Variants in RAP1A observed in about 807,000 individuals in gnomAD.
The protein encoded by RAP1A is RAP1A, member of RAS oncogene family.
Under a neutral mutation model 26.4 loss-of-function variants are expected in RAP1A, and 6 were observed. The ratio of observed to expected loss-of-function variants is 0.23; its 90% CI spans 0.12 to 0.45. The LOEUF (loss-of-function observed/expected upper bound fraction) is 0.45, where lower values mean the gene tolerates loss of function less well. Ranked by LOEUF, RAP1A falls within the 20% of genes least tolerant of loss-of-function variation. The pLI is 0.99. For missense variants in RAP1A, 121 were observed against 217.2 expected (o/e 0.56, Z 2.78); for synonymous variants, 73 against 79.4 (o/e 0.92, Z 0.43).
At chr1:111,623,044 G>A (rs991520463) in intron 1 of RAP1A, among the ~76,000 whole-genome samples, 15 of 152,050 alleles carry the variant, frequency 9.9e-5, no homozygotes, top group Non-Finnish European at 1.5e-5. Context: ...TTGAGACGGA[G>A]TCTTGCTCTG....
chr1:111,689,723 G>A (rs531059161), intron 1 of RAP1A, among the ~76,000 whole-genome samples: 2 of 152,214 alleles, frequency 1.3e-5, no homozygotes, highest in East Asian at 3.9e-4. Context: ...AGGCTGGAGT[G>A]CAGTGGCGCG....
In RAP1A at chr1:111,644,735, T is replaced by G. The variant is rs79829373; in HGVS notation, c.-28+24801T>G. On this transcript the variant is annotated intron_variant, in intron 1 of 7. Coordinates refer to ENST00000369709, the MANE Select transcript of RAP1A (RefSeq NM_002884.4). ...AGATTATGTAGAATGTTACAAGGCCTGATAATGAGCTTGGGCCTTATTCTC... is the reference window on the plus strand; with the variant it reads ...AGATTATGTAGAATGTTACAAGGCCGGATAATGAGCTTGGGCCTTATTCTC... Among the ~76,000 whole-genome samples the G allele has an allele frequency of 8.6e-3, 1,314 of 152,310 alleles. 17 individuals are homozygous for G. The highest frequency in any genetic ancestry group is 0.03 in the African/African-American group (1,258 of 41,558).
chr1:111,678,953 G>C (rs552347570), intron 1 of RAP1A, among the ~76,000 whole-genome samples: 1 of 152,182 alleles, frequency 6.6e-6, no homozygotes, highest in African/African-American at 2.4e-5. Context: ...AGTGGTAAGA[G>C]TAGACATATT....
chr1:111,641,499 C>T (rs145734555), intron 1 of RAP1A, among the ~76,000 whole-genome samples: 1 of 152,152 alleles, frequency 6.6e-6, no homozygotes, highest in East Asian at 1.9e-4. Context: ...GGGAGGAGAA[C>T]GTTCTTTATC....
chr1:111,610,587 A>C, intron 1 of RAP1A, among the ~76,000 whole-genome samples: 1 of 148,394 alleles, frequency 6.7e-6, no homozygotes, highest in African/African-American at 2.5e-5. Context: ...CACACCCAAC[A>C]CCAGTCACTG....
At chr1:111,677,963 G>T (rs978131861) in intron 1 of RAP1A, among the ~76,000 whole-genome samples, 5 of 152,142 alleles carry the variant, frequency 3.3e-5, no homozygotes, top group African/African-American at 1.2e-4. Flanking sequence ...TTAATGTGTT[G>T]CTGTGTTTCG....
At chr1:111,651,473 ATTTT>A (rs5777070) in intron 1 of RAP1A, among the ~76,000 whole-genome samples, 4 of 123,812 alleles carry the variant, frequency 3.2e-5, no homozygotes, top group South Asian at 2.6e-4. Context: ...TATATATATA[ATTTT>A]TTTTTTTTTT....
intron 1 of RAP1A, among the ~76,000 whole-genome samples, chr1:111,598,673 G>C (rs1298913449): frequency 1.3e-5 from 2 of 152,156 alleles, no homozygotes; most frequent in African/African-American, 4.8e-5. Context: ...AGAAGTCTGT[G>C]TGACCACAGA....
At chr1:111,702,194 T>C (rs1342152366) in intron 4 of RAP1A, among the ~76,000 whole-genome samples, 1 of 152,204 alleles carries the variant, frequency 6.6e-6, no homozygotes, top group Non-Finnish European at 1.5e-5. Context: ...TGGATTTATC[T>C]TTTACGTTTA....
At chr1:111,564,056 G>A in intron 1 of RAP1A, 1 of 818,348 alleles carries the variant, frequency 1.2e-6, no homozygotes, top group Non-Finnish European at 2.1e-6. Flanking sequence ...TCCCTGTTTT[G>A]GGGGGTAGAG....
intron 1 of RAP1A, among the ~76,000 whole-genome samples, chr1:111,672,933 C>T (rs1006880507): frequency 1.3e-5 from 2 of 152,184 alleles, no homozygotes; most frequent in African/African-American, 4.8e-5. Flanking sequence ...TAGTTTACCT[C>T]TGGAAATGTT....
intron 1 of RAP1A, among the ~76,000 whole-genome samples, chr1:111,642,843 T>G (rs1659938350): frequency 7.1e-6 from 1 of 141,582 alleles, no homozygotes; most frequent in South Asian, 2.3e-4. Flanking sequence ...TGGAGTGTAG[T>G]GTGATCTTGG....
In RAP1A at chr1:111,713,346, G is replaced by T. The variant is rs189522974; in HGVS notation, c.*945G>T. 6.7e-4 allele frequency: 102 copies of T among 152,130 alleles called. No individual in the cohort carries two copies. Among genetic ancestry groups the T allele is most frequent in the African/African-American group, 2.3e-3 (94 of 41,522 alleles). 9.4% of individuals were successfully genotyped at this position (152,130 alleles called of 1,614,324 possible). ...ACATCAGACAACATAGAATAGTTTT[G>T]TATATTCTCTCTTGATCTTAAAGAT... On this transcript the variant is annotated 3_prime_UTR_variant, in exon 8 of 8. Transcript: ENST00000369709.
At chr1:111,641,122 T>G (rs1457580725) in intron 1 of RAP1A, among the ~76,000 whole-genome samples, 1 of 152,246 alleles carries the variant, frequency 6.6e-6, no homozygotes, top group Non-Finnish European at 1.5e-5. Flanking sequence ...TGTAAAAACA[T>G]GCATATGTAC....
chr1:111,555,688 G>T (rs948134521), intron 1 of RAP1A, among the ~76,000 whole-genome samples: 1 of 152,076 alleles, frequency 6.6e-6, no homozygotes, highest in Non-Finnish European at 1.5e-5. Flanking sequence ...TTCAACAAAT[G>T]GTGTTGGGAA....
intron 1 of RAP1A, among the ~76,000 whole-genome samples, chr1:111,620,315 C>T (rs1659152465): frequency 6.6e-6 from 1 of 152,254 alleles, no homozygotes; most frequent in African/African-American, 2.4e-5. Context: ...AGACACGGTG[C>T]CCTCGTACCT....
chr1:111,648,448 G>A lies in RAP1A; in HGVS notation c.-28+28514G>A, dbSNP rs374978070. On this transcript the variant is annotated intron_variant, in intron 1 of 7. Coordinates refer to ENST00000369709, the MANE Select transcript of RAP1A (RefSeq NM_002884.4). ...CTTCCAGCAGGTGGTGGTAGGTGGC[G>A]ATCTCAGCCTCTAGTTTGACCTTGA... 417 of 558,332 alleles carry A rather than the reference G, an allele frequency of 7.5e-4. 4 individuals are homozygous for A. Among genetic ancestry groups the A allele is most frequent in the South Asian group, 6.6e-3 (401 of 60,554 alleles). The allele number at this position is 558,332 out of a possible 1,614,324, so 34.6% of individuals were successfully genotyped here. A position where few individuals can be genotyped will look rare whatever the true frequency, so the allele number is the denominator to read the frequency against.
intron 1 of RAP1A, among the ~76,000 whole-genome samples, chr1:111,687,861 A>G (rs486895): frequency 0.12 from 17,931 of 151,752 alleles, 1,391 homozygotes; most frequent in East Asian, 0.21. Flanking sequence ...AAAAAAAATT[A>G]GAAACATTAG....
intron 1 of RAP1A, among the ~76,000 whole-genome samples, chr1:111,588,622 T>G (rs1206861918): frequency 6.6e-6 from 1 of 152,138 alleles, no homozygotes; most frequent in Non-Finnish European, 1.5e-5. Context: ...GAGACTCCTC[T>G]GGGGATACTC....
Sources: allele counts gnomAD v4.1 joint callset (sites outside exome capture counted in the v4.1 genomes callset), GRCh38; gene constraint gnomAD v4.1.1; transcripts MANE v1.5; gene names NCBI Gene and HGNC (gene_info 2026-07-23, HGNC 2026-07-21).